Variants in ASAP1 observed in about 807,000 individuals in gnomAD.
ASAP1 encodes ArfGAP with SH3 domain, ankyrin repeat and PH domain 1, also known as arf-GAP with SH3 domain, ANK repeat and PH domain-containing protein 1.
ASAP1 carries 43 observed loss-of-function variants against 145.2 expected under a neutral mutation model. That is an observed-to-expected ratio of 0.30 (90% CI 0.23 to 0.38). ASAP1 has a LOEUF of 0.38. ASAP1 is among the 10% of genes least tolerant of loss of function. ASAP1 has a pLI of 1.00. For synonymous variants in ASAP1, 546 were observed against 515.5 expected, an observed-to-expected ratio of 1.06 and a Z score of -0.80; for missense variants, 1,018 against 1,355.3, an observed-to-expected ratio of 0.75 and a Z score of 3.91.
intron 5 of ASAP1, among the ~76,000 whole-genome samples, chr8:130,203,105 A>G (rs1815977361): frequency 6.6e-6 from 1 of 152,162 alleles, no homozygotes; most frequent in Non-Finnish European, 1.5e-5. Flanking sequence ...AAAAACACAC[A>G]CAACAACAAA....
Position 130,187,305 on chromosome 8 carries a change from G to A in ASAP1, c.481-20C>T, listed in dbSNP as rs1586549986. ...GAGATCCTTAGAAACGAGAAAATGA[G>A]ATTAAAATTGCAACTACTTTTGCTG... On this transcript the variant is annotated intron_variant, in intron 6 of 29. Transcript: ENST00000518721. 1.9e-6 allele frequency: 3 copies of A among 1,589,552 alleles called. No individual in the cohort carries two copies. Among genetic ancestry groups the A allele is most frequent in the East Asian group, 4.5e-5 (2 of 44,704 alleles).
At chr8:130,214,244 A>G (rs770577719) in intron 5 of ASAP1, among the ~76,000 whole-genome samples, 5 of 152,186 alleles carry the variant, frequency 3.3e-5, no homozygotes, top group Non-Finnish European at 5.9e-5. Flanking sequence ...AAAAAAATCA[A>G]TGGTAGAGAT....
chr8:130,366,083 G>T (rs1826936358), intron 2 of ASAP1, among the ~76,000 whole-genome samples: 2 of 152,138 alleles, frequency 1.3e-5, no homozygotes, highest in South Asian at 4.1e-4. Context: ...TGTGGGAACT[G>T]AGCCAAATGC....
intron 24 of ASAP1, among the ~76,000 whole-genome samples, chr8:130,097,034 G>A (rs867102190): frequency 1.4e-5 from 2 of 144,500 alleles, no homozygotes; most frequent in Admixed American, 7.3e-5. Context: ...GCTGAGGCAG[G>A]AGAATCGCTT....
chr8:130,251,401 GAGT>G (rs1819190813), intron 3 of ASAP1, among the ~76,000 whole-genome samples: 1 of 152,098 alleles, frequency 6.6e-6, no homozygotes, highest in Non-Finnish European at 1.5e-5. Context: ...CTGGGCGATA[GAGT>G]GAGACTCTGT....
chr8:130,170,120 C>G (rs1178395266), intron 9 of ASAP1, among the ~76,000 whole-genome samples: 1 of 152,166 alleles, frequency 6.6e-6, no homozygotes, highest in Admixed American at 6.5e-5. Context: ...AGGACTGTCT[C>G]ATCTCCCTAT....
At chr8:130,282,002 G>A (rs1821279337) in intron 3 of ASAP1, among the ~76,000 whole-genome samples, 1 of 151,634 alleles carries the variant, frequency 6.6e-6, no homozygotes, top group Admixed American at 6.6e-5. Context: ...GGGAGGTGGA[G>A]GTTGCAGTGA....
chr8:130,260,204 T>C (rs1450981530), intron 3 of ASAP1, among the ~76,000 whole-genome samples: 1 of 152,192 alleles, frequency 6.6e-6, no homozygotes, highest in Non-Finnish European at 1.5e-5. Flanking sequence ...AACTAATAGA[T>C]CTGAGTAAAA....
chr8:130,338,297 T>C (rs1825162174), intron 3 of ASAP1, among the ~76,000 whole-genome samples: 1 of 152,232 alleles, frequency 6.6e-6, no homozygotes, highest in Admixed American at 6.5e-5. Flanking sequence ...GGCTTAACAG[T>C]ACCTACCTAA....
At chr8:130,377,266 G>A (rs976431675) in intron 2 of ASAP1, among the ~76,000 whole-genome samples, 1 of 152,114 alleles carries the variant, frequency 6.6e-6, no homozygotes, top group South Asian at 2.1e-4. Flanking sequence ...TACAAATTGG[G>A]TTCAGTGTAT....
intron 2 of ASAP1, among the ~76,000 whole-genome samples, chr8:130,382,676 A>G (rs35427556): frequency 0.48 from 73,440 of 151,894 alleles, 18,922 homozygotes; most frequent in African/African-American, 0.67. Context: ...GTGAAACCTC[A>G]TTTCTATTAA....
chr8:130,079,662 G>C (rs2097474243), intron 26 of ASAP1, among the ~76,000 whole-genome samples: 1 of 151,958 alleles, frequency 6.6e-6, no homozygotes, highest in Non-Finnish European at 1.5e-5. Context: ...GTTAGCTCCT[G>C]TCTGTGAACT....
intron 2 of ASAP1, among the ~76,000 whole-genome samples, chr8:130,368,665 ATG>A: frequency 6.6e-6 from 1 of 152,358 alleles, no homozygotes; most frequent in South Asian, 2.1e-4. Context: ...ACAGAGGAAT[ATG>A]CCTTTTCTCT....
intron 1 of ASAP1, among the ~76,000 whole-genome samples, chr8:130,439,667 A>C (rs1179343252): frequency 1.3e-5 from 2 of 152,204 alleles, no homozygotes; most frequent in East Asian, 3.8e-4. Flanking sequence ...AGCATCTTCG[A>C]GGAGATAAAG....
At position 130,217,537 on chromosome 8, in the gene ASAP1, T is replaced by TACACACACACACACACACACAC. The variant is rs71302402; in HGVS notation, c.260-2858_260-2837dup. Among the ~76,000 whole-genome samples the TACACACACACACACACACACAC allele has an allele frequency of 5.9e-3, 877 of 148,964 alleles. 5 individuals carry two copies. The highest frequency in any genetic ancestry group is 9.7e-3 in the African/African-American group (392 of 40,444). Reference sequence around the variant, plus strand: ...ATGTGTATATATGTGTGTATATATGTACACACACACACACACACACACAGA... The same window carrying TACACACACACACACACACACAC: ...ATGTGTATATATGTGTGTATATATGTACACACACACACACACACACACACACACACACACACACACACACAGA... On this transcript the variant is annotated intron_variant, in intron 4 of 29. Coordinates refer to ENST00000518721, the MANE Select transcript of ASAP1 (RefSeq NM_018482.4).
At chr8:130,195,589 T>C (rs1815429117) in intron 5 of ASAP1, among the ~76,000 whole-genome samples, 1 of 152,082 alleles carries the variant, frequency 6.6e-6, no homozygotes, top group Non-Finnish European at 1.5e-5. Flanking sequence ...TCTGCACAAA[T>C]TGCTTCTAAA....
Position 130,054,683 on chromosome 8 carries a change from A to G in ASAP1, c.*48T>C. On this transcript the variant is annotated 3_prime_UTR_variant, in exon 30 of 30. Coordinates refer to ENST00000518721, the MANE Select transcript of ASAP1 (RefSeq NM_018482.4). ...ACTGTGCCCAGGGTTACATGAAGGC[A>G]GCAGTCTTGCATGAAGGATGTGGAC... 1 of 1,519,050 alleles carries G rather than the reference A, an allele frequency of 6.6e-7. No homozygotes were observed. The highest frequency in any genetic ancestry group is 9.1e-7 in the Non-Finnish European group (1 of 1,094,146). 94.1% of individuals were successfully genotyped at this position (1,519,050 alleles called of 1,614,324 possible). A position where few individuals can be genotyped will look rare whatever the true frequency, so the allele number is the denominator to read the frequency against.
chr8:130,274,825 C>T (rs937606970), intron 3 of ASAP1, among the ~76,000 whole-genome samples: 7 of 152,190 alleles, frequency 4.6e-5, no homozygotes, highest in Non-Finnish European at 1.0e-4. Flanking sequence ...ACCACCAGTA[C>T]AGGATTGGAT....
chr8:130,236,369 T>G (rs1433914294), intron 4 of ASAP1, among the ~76,000 whole-genome samples: 1 of 152,124 alleles, frequency 6.6e-6, no homozygotes, highest in Non-Finnish European at 1.5e-5. Flanking sequence ...GATGACATAC[T>G]TTTGCCTCCA....
Sources: allele counts gnomAD v4.1 joint callset (sites outside exome capture counted in the v4.1 genomes callset), GRCh38; gene constraint gnomAD v4.1.1; transcripts MANE v1.5; gene names NCBI Gene and HGNC (gene_info 2026-07-23, HGNC 2026-07-21).